TEAD1: variants seen among roughly 807,000 people sequenced by gnomAD.
The protein encoded by TEAD1 is TEA domain transcription factor 1, also known as transcriptional enhancer factor TEF-1.
In TEAD1, 9 loss-of-function variants were observed where a neutral mutation model predicts 54.9. The observed-to-expected ratio is 0.16, with a 90% CI of 0.10 to 0.29. TEAD1 has a LOEUF of 0.29. TEAD1 is among the 10% of genes least tolerant of loss of function. The probability of loss-of-function intolerance (pLI) is 1.00; values close to 1 mark genes in which losing one functional copy is unlikely to be tolerated. For synonymous variants in TEAD1, 200 were observed against 187.8 expected (o/e 1.07, Z -0.53); for missense variants, 387 against 535.9 (o/e 0.72, Z 2.74).
chr11:12,680,674 A>G (rs1316361410), intron 2 of TEAD1, among the ~76,000 whole-genome samples: 1 of 152,222 alleles, frequency 6.6e-6, no homozygotes, highest in Non-Finnish European at 1.5e-5. Context: ...TTCTGCAGGT[A>G]ACAGGGATTT....
chr11:12,803,165 T>C (rs2133978345), intron 3 of TEAD1, among the ~76,000 whole-genome samples: 1 of 152,086 alleles, frequency 6.6e-6, no homozygotes, highest in African/African-American at 2.4e-5. Flanking sequence ...ATTGTGAGGA[T>C]TTTTCCCCCC....
At chr11:12,845,243 T>C (rs1461241000) in intron 3 of TEAD1, among the ~76,000 whole-genome samples, 1 of 152,144 alleles carries the variant, frequency 6.6e-6, no homozygotes, top group Non-Finnish European at 1.5e-5. Context: ...ATTACAGGCA[T>C]GAGCCACTGT....
At chr11:12,742,508 G>T (rs1389019661) in intron 2 of TEAD1, among the ~76,000 whole-genome samples, 1 of 152,082 alleles carries the variant, frequency 6.6e-6, no homozygotes, top group Non-Finnish European at 1.5e-5. Flanking sequence ...ATAAATTCTG[G>T]TGCATAACAT....
Position 12,711,030 on chromosome 11 carries a change from G to A in TEAD1, c.-55+35469G>A, listed in dbSNP as rs969858345. 6.6e-5 allele frequency among the ~76,000 whole-genome samples: 10 copies of A among 152,280 alleles called. No homozygotes were observed. The South Asian group carries it at 2.1e-3, about 32-fold the overall frequency. On this transcript the variant is annotated intron_variant, in intron 2 of 12. Coordinates refer to ENST00000527636, the MANE Select transcript of TEAD1 (RefSeq NM_021961.6). ...GATGGTGTTTTTAGGACTGTACTGT[G>A]AATACCATGTTTAGGAGCTTGGATT...
At chr11:12,906,541 C>A (rs1276187748) in intron 10 of TEAD1, among the ~76,000 whole-genome samples, 4 of 143,086 alleles carry the variant, frequency 2.8e-5, no homozygotes, top group African/African-American at 1.1e-4. Context: ...GACTCCTTCT[C>A]AAAAAAAAAA....
At chr11:12,905,210 A>G (rs1948497823) in intron 10 of TEAD1, among the ~76,000 whole-genome samples, 1 of 152,218 alleles carries the variant, frequency 6.6e-6, no homozygotes. Flanking sequence ...TTTTGCCTCC[A>G]AAATTGCCCT....
intron 9 of TEAD1, among the ~76,000 whole-genome samples, chr11:12,901,328 G>A (rs1364755197): frequency 1.3e-5 from 2 of 152,186 alleles, no homozygotes; most frequent in Non-Finnish European, 2.9e-5. Context: ...GTATGGCCTT[G>A]TAGATCTTCT....
chr11:12,742,919 A>G (rs750762034), intron 2 of TEAD1, among the ~76,000 whole-genome samples: 1 of 152,186 alleles, frequency 6.6e-6, no homozygotes, highest in African/African-American at 2.4e-5. Flanking sequence ...AATTTGGAGT[A>G]TATTCTTCTG....
chr11:12,758,300 G>A (rs575459320), intron 2 of TEAD1, among the ~76,000 whole-genome samples: 25 of 151,322 alleles, frequency 1.7e-4, no homozygotes, highest in Admixed American at 1.4e-3. Context: ...GAGTGCAGTG[G>A]CACAATCTTG....
intron 3 of TEAD1, among the ~76,000 whole-genome samples, chr11:12,813,035 T>TG (rs1274676940): frequency 6.6e-6 from 1 of 152,226 alleles, no homozygotes; most frequent in African/African-American, 2.4e-5. Flanking sequence ...GGTGTCCAGA[T>TG]GCTCCTAGTG....
intron 10 of TEAD1, among the ~76,000 whole-genome samples, chr11:12,913,705 C>T (rs1948658076): frequency 6.6e-6 from 1 of 152,142 alleles, no homozygotes; most frequent in Admixed American, 6.5e-5. Flanking sequence ...ATGTCCTATA[C>T]AGTATTTGGT....
At chr11:12,815,994 G>A (rs1946406950) in intron 3 of TEAD1, among the ~76,000 whole-genome samples, 1 of 152,204 alleles carries the variant, frequency 6.6e-6, no homozygotes. Flanking sequence ...CCAGGACTGA[G>A]GTCCTTTTAG....
chr11:12,751,912 A>G (rs985277122), intron 2 of TEAD1, among the ~76,000 whole-genome samples: 1 of 152,186 alleles, frequency 6.6e-6, no homozygotes, highest in Non-Finnish European at 1.5e-5. Flanking sequence ...TTTGGTGGCT[A>G]CTGAGTAAAG....
intron 2 of TEAD1, among the ~76,000 whole-genome samples, chr11:12,735,976 C>A (rs1349560452): frequency 6.6e-6 from 1 of 152,092 alleles, no homozygotes; most frequent in Non-Finnish European, 1.5e-5. Context: ...TCAGTTGGTC[C>A]GACAGAACTA....
chr11:12,870,956 T>C (rs775485739), intron 5 of TEAD1, among the ~76,000 whole-genome samples: 151 of 152,236 alleles, frequency 9.9e-4, no homozygotes, highest in Non-Finnish European at 2.0e-3. Context: ...GAAGAGAGCT[T>C]AGCTTTGAAG....
At chr11:12,797,184 G>A (rs1043546787) in intron 3 of TEAD1, among the ~76,000 whole-genome samples, 1 of 152,218 alleles carries the variant, frequency 6.6e-6, no homozygotes, top group South Asian at 2.1e-4. Context: ...TATCCCAGAT[G>A]GTGACCTCTT....
intron 3 of TEAD1, among the ~76,000 whole-genome samples, chr11:12,828,767 G>A (rs1474710906): frequency 6.8e-6 from 1 of 147,666 alleles, no homozygotes; most frequent in African/African-American, 2.5e-5. Context: ...CGTCAGCATG[G>A]AGTCCTTGTT....
At chr11:12,739,701 G>A (rs927919763) in intron 2 of TEAD1, among the ~76,000 whole-genome samples, 2 of 152,184 alleles carry the variant, frequency 1.3e-5, no homozygotes, top group Admixed American at 6.5e-5. Flanking sequence ...ACACATTAAC[G>A]AGCTCTCTAT....
rs141770966 is a variant in TEAD1, at chr11:12,769,850, A to G, written c.202+5416A>G. Reference sequence around the variant, plus strand: ...CACAGGATGTATTTCAAGGCCTGGAATATAGAAGGTGTCAGTAATGTTTGC... The same window carrying G: ...CACAGGATGTATTTCAAGGCCTGGAGTATAGAAGGTGTCAGTAATGTTTGC... On this transcript the variant is annotated intron_variant, in intron 3 of 12. Transcript: ENST00000527636. Among the ~76,000 whole-genome samples, 539 of 152,314 alleles carry G rather than the reference A, an allele frequency of 3.5e-3. 4 individuals carry two copies. Among genetic ancestry groups the G allele is most frequent in the African/African-American group, 0.012 (512 of 41,564 alleles).
Sources: allele counts gnomAD v4.1 joint callset (sites outside exome capture counted in the v4.1 genomes callset), GRCh38; gene constraint gnomAD v4.1.1; transcripts MANE v1.5; gene names NCBI Gene and HGNC (gene_info 2026-07-23, HGNC 2026-07-21).